MYO1E: variants seen among roughly 807,000 people sequenced by gnomAD.
MYO1E encodes the protein unconventional myosin-Ie.
In MYO1E, 68 loss-of-function variants were observed where a neutral mutation model predicts 151.1. That is an observed-to-expected ratio of 0.45 (90% CI 0.37 to 0.55). MYO1E has a LOEUF of 0.55. MYO1E is among the 20% of genes least tolerant of loss of function. The pLI, the probability that MYO1E is intolerant of heterozygous loss-of-function variation, is 0.00. For missense variants in MYO1E, 1,363 were observed against 1,389.3 expected (o/e 0.98, Z 0.30); for synonymous variants, 601 against 501.7 (o/e 1.20, Z -2.64).
chr15:59,195,121 G>A (rs1357088163), intron 17 of MYO1E, among the ~76,000 whole-genome samples: 1 of 152,130 alleles, frequency 6.6e-6, no homozygotes, highest in African/African-American at 2.4e-5. Flanking sequence ...TCAGGGGCTG[G>A]GTGGACTAAG....
chr15:59,190,515 G>A (rs1179392049), intron 17 of MYO1E, among the ~76,000 whole-genome samples: 1 of 152,160 alleles, frequency 6.6e-6, no homozygotes, highest in East Asian at 1.9e-4. Context: ...GTCACACACA[G>A]TGCCTATTGC....
chr15:59,245,677 T>A (rs1259458163), intron 4 of MYO1E, among the ~76,000 whole-genome samples: 3 of 152,198 alleles, frequency 2.0e-5, no homozygotes, highest in Non-Finnish European at 4.4e-5. Context: ...TCATATTTTT[T>A]AAACAGCCTA....
rs186732280 is a variant in MYO1E at position 59,212,152 on chromosome 15, C to T, written c.1276-1552G>A. ...ATTGCACTCTTACTTGGTTGTTTTG[C>T]TCTGGCTACTCTAAGGGTTGGGGAA... On this transcript the variant is annotated intron_variant, in intron 12 of 27. Coordinates refer to ENST00000288235, the MANE Select transcript of MYO1E (RefSeq NM_004998.4). Among the ~76,000 whole-genome samples, 48 of 152,122 alleles carry T rather than the reference C, an allele frequency of 3.2e-4. No individual in the cohort carries two copies. In the East Asian group the frequency reaches 8.8e-3, roughly 28 times the overall value.
intron 10 of MYO1E, among the ~76,000 whole-genome samples, chr15:59,217,689 G>C (rs1331302138): frequency 1.3e-5 from 2 of 151,562 alleles, no homozygotes; most frequent in East Asian, 3.9e-4. Flanking sequence ...ACCACACCTG[G>C]CTAATTTTTG....
chr15:59,285,866 G>A (rs944584528), intron 1 of MYO1E, among the ~76,000 whole-genome samples: 21 of 152,116 alleles, frequency 1.4e-4, no homozygotes, highest in African/African-American at 3.9e-4. Context: ...TAATGGCACC[G>A]GCCTAATAGA....
At chr15:59,170,411 G>A (rs1156451266) in intron 22 of MYO1E, among the ~76,000 whole-genome samples, 1 of 152,130 alleles carries the variant, frequency 6.6e-6, no homozygotes, top group Non-Finnish European at 1.5e-5. Context: ...GCATGGCAGG[G>A]CCCCATGCAA....
chr15:59,272,490 T>A, intron 1 of MYO1E, 41 bp from the exon 2 acceptor site: 1 of 1,604,836 alleles, frequency 6.2e-7, no homozygotes, highest in South Asian at 1.1e-5. Flanking sequence ...TAGTTTGTTT[T>A]CCCCTGTAGT....
intron 5 of MYO1E, among the ~76,000 whole-genome samples, chr15:59,236,352 G>GAAAAAA (rs57488716): frequency 5.1e-5 from 6 of 116,718 alleles, no homozygotes; most frequent in African/African-American, 2.0e-4. Context: ...TCTCAAAAAA[G>GAAAAAA]AAAAAAAAAA....
chr15:59,286,752 T>C (rs2140393658), intron 1 of MYO1E, among the ~76,000 whole-genome samples: 1 of 152,332 alleles, frequency 6.6e-6, no homozygotes, highest in East Asian at 1.9e-4. Flanking sequence ...TGGTTACTTC[T>C]GGACCCTTGG....
chr15:59,241,628 T>C (rs1230649222), intron 4 of MYO1E, among the ~76,000 whole-genome samples: 2 of 152,048 alleles, frequency 1.3e-5, no homozygotes, highest in South Asian at 2.1e-4. Context: ...CACTTGAACC[T>C]AGGGGACAGA....
chr15:59,252,607 C>T (rs185935652), intron 4 of MYO1E, among the ~76,000 whole-genome samples: 32 of 151,876 alleles, frequency 2.1e-4, no homozygotes, highest in Non-Finnish European at 2.9e-4. Context: ...CCCAGCTACT[C>T]GGGAGGCTGA....
intron 1 of MYO1E, among the ~76,000 whole-genome samples, chr15:59,346,628 T>C (rs138420370): frequency 4.6e-5 from 7 of 152,172 alleles, no homozygotes; most frequent in African/African-American, 1.7e-4. Context: ...GTAATAAACT[T>C]AAGAAATGGG....
intron 15 of MYO1E, among the ~76,000 whole-genome samples, chr15:59,202,903 G>A (rs1241523600): frequency 6.6e-6 from 1 of 152,016 alleles, no homozygotes; most frequent in East Asian, 1.9e-4. Flanking sequence ...ACGCCACCAC[G>A]TCCAGCTAAT....
chr15:59,260,924 C>T (rs1479965663), intron 3 of MYO1E, among the ~76,000 whole-genome samples: 1 of 152,066 alleles, frequency 6.6e-6, no homozygotes, highest in Non-Finnish European at 1.5e-5. Flanking sequence ...TTGAGCTCTG[C>T]TCTAAAAAGC....
intron 5 of MYO1E, among the ~76,000 whole-genome samples, chr15:59,234,129 C>T (rs2080045968): frequency 6.6e-6 from 1 of 152,166 alleles, no homozygotes; most frequent in Non-Finnish European, 1.5e-5. Flanking sequence ...GGACCCTTCA[C>T]TCTGCAACCT....
chr15:59,359,210 G>A (rs115998576), intron 1 of MYO1E, among the ~76,000 whole-genome samples: 3,932 of 151,306 alleles, frequency 0.026, 119 homozygotes, highest in African/African-American at 0.067. Flanking sequence ...AGAATCGCTG[G>A]AGACCAGGAG....
chr15:59,150,647 T>C (rs533045472), intron 26 of MYO1E, among the ~76,000 whole-genome samples: 1 of 145,430 alleles, frequency 6.9e-6, no homozygotes, highest in Non-Finnish European at 1.5e-5. Flanking sequence ...AGGTCTGGGT[T>C]AGAGAGCAAA....
At chr15:59,359,918 CTTCT>C (rs1390261822) in intron 1 of MYO1E, 1 of 152,200 alleles carries the variant, frequency 6.6e-6, no homozygotes, top group Non-Finnish European at 1.5e-5. Context: ...GAGTATATCT[CTTCT>C]TTCAGTCCAA....
Position 59,153,729 on chromosome 15 carries a change from G to A in MYO1E, c.2941C>T (p.Gln981Ter). The A allele has an allele frequency of 6.2e-7, 1 of 1,614,098 alleles. No individual in the cohort carries two copies. Among genetic ancestry groups the A allele is most frequent in the Non-Finnish European group, 8.5e-7 (1 of 1,179,980 alleles). The change falls in exon 26 of 28, where the codon CAG (glutamine) becomes TAG (stop). Residue 981 changes from glutamine (Q) to a stop codon, truncating the protein, a stop_gained. Transcript: ENST00000288235. LOFTEE classifies it high-confidence loss of function. Reference protein sequence around the residue: ...YVPYPHAPGSQRSNQKSLYTS... With the variant: ...YVPYPHAPGS ...TACAGGCTTTTCTGATTGGACCTCTGGCTTCCAGGAGCATGGGGATATGGC... is the reference window on the plus strand; with the variant it reads ...TACAGGCTTTTCTGATTGGACCTCTAGCTTCCAGGAGCATGGGGATATGGC...
Sources: allele counts gnomAD v4.1 joint callset (sites outside exome capture counted in the v4.1 genomes callset), GRCh38; gene constraint gnomAD v4.1.1; transcripts MANE v1.5; gene names NCBI Gene and HGNC (gene_info 2026-07-23, HGNC 2026-07-21).